MMUT: variants seen among roughly 807,000 people sequenced by gnomAD.
The protein encoded by MMUT is methylmalonyl-CoA mutase, mitochondrial.
A neutral mutation model predicts 79.9 loss-of-function variants in MMUT; 79 were observed. The observed-to-expected ratio is 0.99, with a 90% CI of 0.82 to 1.19. The LOEUF (loss-of-function observed/expected upper bound fraction) is 1.19. Among genes scored for constraint, MMUT ranks in the 50% most tolerant of loss-of-function variants. The pLI is 0.00. For missense variants in MMUT, 860 were observed against 917.2 expected, an observed-to-expected ratio of 0.94 and a Z score of 0.81; for synonymous variants, 273 against 295.7, an observed-to-expected ratio of 0.92 and a Z score of 0.79.
Position 49,456,254 on chromosome 6 carries a change from ATTGT to A in MMUT, c.754-21_754-18del. The A allele has an allele frequency of 6.5e-7, 1 of 1,531,998 alleles. No homozygotes were observed. The highest frequency in any genetic ancestry group is 9.0e-7 in the Non-Finnish European group (1 of 1,106,266). 94.9% of individuals were successfully genotyped at this position (1,531,998 alleles called of 1,614,324 possible). ...TGGCATGTGCTACATAAAAAAAAAA[ATTGT>A]AACAGTGAATAAGTAAAAATATTAA... On this transcript the variant is annotated intron_variant, in intron 3 of 12. Transcript: ENST00000274813.
chr6:49,457,603 C>T, intron 3 of MMUT, 88 bp downstream of exon 3: 1 of 1,167,412 alleles, frequency 8.6e-7, no homozygotes, highest in Non-Finnish European at 1.2e-6. Context: ...ATTACTCAGA[C>T]TAAATTTTTA....
intron 4 of MMUT, among the ~76,000 whole-genome samples, chr6:49,455,666 T>G (rs1167465951): frequency 6.6e-6 from 1 of 152,194 alleles, no homozygotes; most frequent in East Asian, 1.9e-4. Flanking sequence ...ATTAAGAAAC[T>G]GTTGTGAAAC....
At position 49,444,745 on chromosome 6, in the gene MMUT, T is replaced by C. The variant is rs372988725; in HGVS notation, c.1570A>G (p.Ser524Gly). ...QIEKLKKIKS[S>G]RDQALAERCL... ...CGTTCAGCCAAAGCTTGATCCCTGC[T>C]GGATTTGATCTATGGAAAAAGTCAA... The change falls in exon 9 of 13, where the codon AGC becomes GGC. Residue 524 changes from serine to glycine, a missense_variant. By Grantham distance (56) the Ser-to-Gly change is moderately conservative. Transcript: ENST00000274813. The C allele has an allele frequency of 3.1e-6, 5 of 1,612,222 alleles. No individual in the cohort carries two copies. The African/African-American group carries it at 4.0e-5, about 13-fold the overall frequency.
intron 1 of MMUT, among the ~76,000 whole-genome samples, chr6:49,459,816 A>T (rs1581836798): frequency 6.6e-6 from 1 of 152,136 alleles, no homozygotes. Flanking sequence ...ACTATGTCAC[A>T]CTCCTCATGG....
intron 1 of MMUT, among the ~76,000 whole-genome samples, chr6:49,459,945 G>C (rs553754106): frequency 1.1e-4 from 17 of 152,264 alleles, no homozygotes; most frequent in Non-Finnish European, 2.2e-4. Context: ...GGGTAATAGA[G>C]AAAAAAGTGA....
chr6:49,453,942 T>C (rs1767623395), intron 4 of MMUT, among the ~76,000 whole-genome samples, 186 bp from the exon 5 acceptor site: 1 of 152,216 alleles, frequency 6.6e-6, no homozygotes, highest in Non-Finnish European at 1.5e-5. Flanking sequence ...TACAGTTTTA[T>C]GCATATGGAA....
At chr6:49,435,151 G>A (rs1199534460) in intron 12 of MMUT, among the ~76,000 whole-genome samples, 1 of 152,108 alleles carries the variant, frequency 6.6e-6, no homozygotes, top group Non-Finnish European at 1.5e-5. Context: ...CTTTTATCCT[G>A]TTCCTTCTCC....
intron 5 of MMUT, among the ~76,000 whole-genome samples, chr6:49,452,090 G>C (rs1581830605): frequency 6.6e-6 from 1 of 152,206 alleles, no homozygotes; most frequent in East Asian, 1.9e-4. Context: ...CCACAATGAT[G>C]TGTACAAAAC....
chr6:49,460,978 T>C (rs1165860236), intron 1 of MMUT, among the ~76,000 whole-genome samples: 3 of 152,358 alleles, frequency 2.0e-5, no homozygotes, highest in African/African-American at 7.2e-5. Context: ...AAAGCTTCTG[T>C]AGTAATATAT....
In MMUT at chr6:49,435,507, G is replaced by A. The variant is rs1161356748; in HGVS notation, c.2073C>T (p.Ser691=). 6.2e-7 allele frequency: 1 copy of A among 1,614,132 alleles called. No individual in the cohort carries two copies. Residue 691 remains serine, a synonymous_variant, in exon 12 of 13, where the codon TCC becomes TCT. Transcript: ENST00000274813. ...LVPELIKELN[S]LGRPDILVMC... ...TGACAAGAATATCTGGCCGTCCAAG[G>A]GAGTTAAGTTCTTTGATGAGTTCAG...
intron 9 of MMUT, among the ~76,000 whole-genome samples, chr6:49,442,264 T>C (rs181927430): frequency 8.1e-4 from 124 of 152,210 alleles, no homozygotes; most frequent in Non-Finnish European, 1.6e-3. Context: ...TGCTGAATAA[T>C]TCACCACTTA....
intron 12 of MMUT, 127 bp from the exon 13 acceptor site, chr6:49,431,983 G>A: frequency 1.9e-6 from 2 of 1,079,160 alleles, no homozygotes; most frequent in Non-Finnish European, 2.7e-6. Context: ...ACTGGCATTT[G>A]GGGCTAAAAA....
In MMUT at chr6:49,431,172, CA is replaced by C. The variant is rs1264263976; in HGVS notation, c.*555del. 1 of 152,340 alleles carries C rather than the reference CA, an allele frequency of 6.6e-6. No homozygotes were observed. The highest frequency in any genetic ancestry group is 1.5e-5 in the Non-Finnish European group (1 of 68,162). 9.4% of individuals were successfully genotyped at this position (152,340 alleles called of 1,614,324 possible). A position where few individuals can be genotyped will look rare whatever the true frequency, so the allele number is the denominator to read the frequency against. On this transcript the variant is annotated 3_prime_UTR_variant, in exon 13 of 13. Coordinates refer to ENST00000274813, the MANE Select transcript of MMUT (RefSeq NM_000255.4). ...ATATACTGTCAAATTCCCCATATTC[CA>C]ACCTGCTGTGCTTGATTTTAATACT... is the stretch of plus-strand genomic sequence containing the variant.
rs755824133 is a variant in MMUT, at chr6:49,444,643, C to A, written c.1672G>T (p.Ala558Ser). The part of the protein sequence containing the change: ...ILALAVDASR[A>S]RCTVGEITDA... The stretch of plus-strand genomic sequence containing the variant: ...TCCAAACTTATATATCTTCACCTTG[C>A]CCGAGATGCATCCACTGCAAGAGCC... Residue 558 changes from alanine (A) to serine (S), a missense_variant, in exon 9 of 13, where the codon GCA becomes TCA. Transcript: ENST00000274813. The A allele has an allele frequency of 6.2e-7, 1 of 1,612,348 alleles. No homozygotes were observed. The highest frequency in any genetic ancestry group is 1.1e-5 in the South Asian group (1 of 91,060).
At chr6:49,438,109 C>G (rs74526266) in intron 11 of MMUT, among the ~76,000 whole-genome samples, 1 of 151,526 alleles carries the variant, frequency 6.6e-6, no homozygotes. Flanking sequence ...ATTGTAACCT[C>G]GAGGACAAAA....
chr6:49,456,145 T>G lies in MMUT; in HGVS notation c.846A>C (p.Ala282=), dbSNP rs1184586094. The change falls in exon 4 of 13, where the codon GCA becomes GCC. Residue 282 remains alanine (A), a synonymous_variant. Coordinates refer to ENST00000274813, the MANE Select transcript of MMUT (RefSeq NM_000255.4). The part of the protein sequence containing the change: ...DAILELAYTL[A]DGLEYSRTGL... ...CAGTTCTAGAGTACTCCAATCCATC[T>G]GCTAAAGTATAGGCCAGCTCCAGAA... 1.2e-6 allele frequency: 2 copies of G among 1,612,888 alleles called. No individual in the cohort carries two copies. The highest frequency in any genetic ancestry group is 1.7e-6 in the Non-Finnish European group (2 of 1,178,916).
At chr6:49,446,538 G>A (rs780514755) in intron 8 of MMUT, among the ~76,000 whole-genome samples, 1 of 151,658 alleles carries the variant, frequency 6.6e-6, no homozygotes, top group Non-Finnish European at 1.5e-5. Flanking sequence ...ATAAACTTGA[G>A]CAACTAAATG....
chr6:49,455,555 G>A (rs541379304), intron 4 of MMUT, among the ~76,000 whole-genome samples: 30 of 152,314 alleles, frequency 2.0e-4, no homozygotes, highest in African/African-American at 6.7e-4. Context: ...AGCTTAGCAA[G>A]TGATTGCTGT....
chr6:49,449,934 T>C (rs980578158), intron 6 of MMUT, among the ~76,000 whole-genome samples: 4 of 151,768 alleles, frequency 2.6e-5, no homozygotes, highest in South Asian at 2.1e-4. Context: ...AGATATACTA[T>C]AGAAAAGATA....
Sources: allele counts gnomAD v4.1 joint callset (sites outside exome capture counted in the v4.1 genomes callset), GRCh38; gene constraint gnomAD v4.1.1; transcripts MANE v1.5; gene names NCBI Gene and HGNC (gene_info 2026-07-23, HGNC 2026-07-21).